The following MTUS1 variants were observed in gnomAD, a reference collection of about 807,000 sequenced individuals.
MTUS1 encodes microtubule associated scaffold protein 1.
MTUS1 carries 109 observed loss-of-function variants against 120.8 expected under a neutral mutation model. The observed-to-expected ratio is 0.90, with a 90% CI of 0.77 to 1.06. The LOEUF is 1.06. Among genes scored for constraint, MTUS1 ranks in the 50% least tolerant of loss-of-function variants. The probability of loss-of-function intolerance (pLI) is 0.00; values close to 1 mark genes in which losing one functional copy is unlikely to be tolerated. For synonymous variants in MTUS1, 737 were observed against 550.5 expected (o/e 1.34, Z -4.74); for missense variants, 2,210 against 1,486.3 (o/e 1.49, Z -8.01).
intron 3 of MTUS1, 67 bp downstream of exon 3, chr8:17,743,537 C>T: frequency 3.4e-6 from 5 of 1,464,144 alleles, no homozygotes; most frequent in South Asian, 1.3e-5. Flanking sequence ...GGCATTAGAC[C>T]TATAATCATG....
chr8:17,728,780 G>A lies in MTUS1; in HGVS notation c.2288-4947C>T, dbSNP rs546166674. Among the ~76,000 whole-genome samples, 6 of 148,690 alleles carry A rather than the reference G, an allele frequency of 4.0e-5. No homozygotes were observed. In the South Asian group the frequency reaches 1.1e-3, roughly 27 times the overall value. On this transcript the variant is annotated intron_variant, in intron 3 of 14. Coordinates refer to ENST00000693296, the MANE Select transcript of MTUS1 (RefSeq NM_001363059.2). ...GGATGGATATGGTGGGAAGATGTGG[G>A]TTGGGGGGGTCGGGGAGGGTGAGGC...
At chr8:17,774,967 T>C (rs1218633949) in intron 1 of MTUS1, among the ~76,000 whole-genome samples, 1 of 32,300 alleles carries the variant, frequency 3.1e-5, no homozygotes, top group Non-Finnish European at 7.0e-5. Context: ...GAAAATATTA[T>C]AAGTAAAAAA....
At chr8:17,648,680 C>A (rs2130040328) in intron 13 of MTUS1, among the ~76,000 whole-genome samples, 1 of 152,312 alleles carries the variant, frequency 6.6e-6, no homozygotes, top group Admixed American at 6.5e-5. Flanking sequence ...CAACAGAAGT[C>A]ATAGTCTCCA....
intron 1 of MTUS1, among the ~76,000 whole-genome samples, chr8:17,797,121 A>C (rs574423834): frequency 5.3e-5 from 8 of 152,060 alleles, no homozygotes; most frequent in Non-Finnish European, 1.2e-4. Flanking sequence ...ATCTCAAAAT[A>C]AATTTTTAGG....
intron 8 of MTUS1, among the ~76,000 whole-genome samples, chr8:17,667,369 A>C (rs187143899): frequency 6.6e-6 from 1 of 152,358 alleles, no homozygotes; most frequent in African/African-American, 2.4e-5. Context: ...ACAACTCAAA[A>C]GTGACTTACC....
chr8:17,786,981 C>T (rs758386252), intron 1 of MTUS1, among the ~76,000 whole-genome samples: 2 of 152,216 alleles, frequency 1.3e-5, no homozygotes, highest in Non-Finnish European at 2.9e-5. Context: ...TTAAAAAAGA[C>T]TCTTTCCTAG....
chr8:17,792,206 T>C (rs944460495), intron 1 of MTUS1, among the ~76,000 whole-genome samples: 4 of 152,196 alleles, frequency 2.6e-5, no homozygotes, highest in African/African-American at 7.2e-5. Flanking sequence ...AATACCTCTA[T>C]TTATTATTTG....
Position 17,646,093 on chromosome 8 carries a change from C to G in MTUS1, c.3646G>C (p.Glu1216Gln), listed in dbSNP as rs1215892537. 1 of 1,613,256 alleles carries G rather than the reference C, an allele frequency of 6.2e-7. No individual in the cohort carries two copies. Among genetic ancestry groups the G allele is most frequent in the Non-Finnish European group, 8.5e-7 (1 of 1,179,820 alleles). Reference sequence around the variant, plus strand: ...GAGAGTCGCTTGTTGACTTTCGACTCCTTCTCCAGCGACTCTTGCAGAACA... The same window carrying G: ...GAGAGTCGCTTGTTGACTTTCGACTGCTTCTCCAGCGACTCTTGCAGAACA... Reference protein sequence around the residue: ...QAVLQESLEKESKVNKRLSME... With the variant: ...QAVLQESLEKQSKVNKRLSME... The change falls in exon 15 of 15, where the codon GAG becomes CAG. Residue 1216 changes from glutamate (E) to glutamine (Q), a missense_variant. By Grantham distance (29) the Glu-to-Gln change is conservative. Transcript: ENST00000693296.
chr8:17,697,673 A>G (rs1351903120), intron 6 of MTUS1: 4 of 1,057,124 alleles, frequency 3.8e-6, no homozygotes, highest in East Asian at 7.0e-5. Context: ...CACACTGTGC[A>G]TGCTTGTGGA....
rs183393227 is a variant in MTUS1 at position 17,734,522 on chromosome 8, G to A, written c.2287+9082C>T. Among the ~76,000 whole-genome samples the A allele has an allele frequency of 1.8e-4, 28 of 152,238 alleles. No individual in the cohort carries two copies. In the East Asian group the frequency reaches 3.5e-3, roughly 19 times the overall value. On this transcript the variant is annotated intron_variant, in intron 3 of 14. Coordinates refer to ENST00000693296, the MANE Select transcript of MTUS1 (RefSeq NM_001363059.2). Reference sequence around the variant, plus strand: ...AACTCCACAGAAGCGCAGCATTCTCGGTGATGCTGTCAGTACCTGCCTCTG... The same window carrying A: ...AACTCCACAGAAGCGCAGCATTCTCAGTGATGCTGTCAGTACCTGCCTCTG...
chr8:17,662,970 G>C (rs1191664572), intron 8 of MTUS1, among the ~76,000 whole-genome samples: 1 of 152,098 alleles, frequency 6.6e-6, no homozygotes, highest in Non-Finnish European at 1.5e-5. Flanking sequence ...GAGATTAGAA[G>C]TCAGTATTTT....
intron 6 of MTUS1, among the ~76,000 whole-genome samples, chr8:17,698,538 T>A (rs987480643): frequency 2.6e-5 from 4 of 152,204 alleles, no homozygotes; most frequent in African/African-American, 9.7e-5. Context: ...AAATGTCCTA[T>A]GCCTGTTTCC....
At chr8:17,737,729 C>T (rs1251849405) in intron 3 of MTUS1, among the ~76,000 whole-genome samples, 1 of 152,164 alleles carries the variant, frequency 6.6e-6, no homozygotes, top group African/African-American at 2.4e-5. Context: ...TCAAGTAATC[C>T]TCCCACTTCA....
At chr8:17,789,076 A>G (rs1452832342) in intron 1 of MTUS1, among the ~76,000 whole-genome samples, 2 of 150,658 alleles carry the variant, frequency 1.3e-5, no homozygotes, top group East Asian at 3.9e-4. Flanking sequence ...CTTATTGCCC[A>G]GGCTGGAATG....
intron 6 of MTUS1, among the ~76,000 whole-genome samples, chr8:17,688,872 T>C (rs190893381): frequency 3.5e-4 from 53 of 152,212 alleles, no homozygotes; most frequent in African/African-American, 1.2e-3. Flanking sequence ...TTACTGAAAA[T>C]GGAAAATTTT....
chr8:17,741,076 C>G (rs2047285002), intron 3 of MTUS1, among the ~76,000 whole-genome samples: 1 of 151,826 alleles, frequency 6.6e-6, no homozygotes, highest in Non-Finnish European at 1.5e-5. Context: ...TCCCCACATT[C>G]CCACATTGGC....
Position 17,779,787 on chromosome 8 carries a change from G to A in MTUS1, c.-155+21274C>T, listed in dbSNP as rs535093622. On this transcript the variant is annotated intron_variant, in intron 1 of 14. Coordinates refer to ENST00000693296, the MANE Select transcript of MTUS1 (RefSeq NM_001363059.2). ...TTTGATCAACATCCAAGTGTTGGAG[G>A]GGGGGCGGGGGCAGCCCCTTATTCC... Among the ~76,000 whole-genome samples the A allele has an allele frequency of 5.0e-4, 76 of 152,270 alleles. 1 individual carries two copies. Among genetic ancestry groups the A allele is most frequent in the Admixed American group, 2.0e-3 (31 of 15,282 alleles).
chr8:17,687,205 G>T (rs1485774281), intron 6 of MTUS1, among the ~76,000 whole-genome samples: 1 of 152,196 alleles, frequency 6.6e-6, no homozygotes, highest in Non-Finnish European at 1.5e-5. Context: ...AACTCGTGCT[G>T]TGCAGTCACC....
At chr8:17,771,354 T>G (rs1002247021) in intron 1 of MTUS1, among the ~76,000 whole-genome samples, 1 of 152,228 alleles carries the variant, frequency 6.6e-6, no homozygotes, top group African/African-American at 2.4e-5. Context: ...TGTAATTACT[T>G]TTGGAATTTT....
Sources: gnomAD v4.1 joint callset for allele counts (sites outside exome capture counted in the v4.1 genomes callset) on GRCh38, gnomAD v4.1.1 for gene constraint, MANE v1.5 for transcripts, NCBI Gene and HGNC (gene_info 2026-07-23, HGNC 2026-07-21) for gene names.